LDB3: variants seen among roughly 807,000 people sequenced by gnomAD.
LDB3 encodes LIM domain-binding protein 3.
LDB3 carries 49 observed loss-of-function variants against 69.0 expected under a neutral mutation model. The ratio of observed to expected loss-of-function variants is 0.71; its 90% confidence interval spans 0.56 to 0.90. LDB3 has a LOEUF of 0.90. Among genes scored for constraint, LDB3 ranks in the 40% least tolerant of loss-of-function variants. The pLI is 0.00. For missense variants in LDB3, 928 were observed against 974.1 expected (o/e 0.95, Z 0.63); for synonymous variants, 387 against 396.2 (o/e 0.98, Z 0.28).
intron 13 of LDB3, among the ~76,000 whole-genome samples, chr10:86,728,213 G>C (rs923275117): frequency 3.9e-5 from 6 of 152,166 alleles, no homozygotes; most frequent in African/African-American, 1.4e-4. Context: ...AAGGATCCAA[G>C]AGACTTGGGG....
At chr10:86,694,517 C>A (rs1589648266) in intron 7 of LDB3, among the ~76,000 whole-genome samples, 2 of 152,212 alleles carry the variant, frequency 1.3e-5, no homozygotes, top group East Asian at 3.8e-4. Flanking sequence ...GCACCTCTCT[C>A]TGGGGTCTCA....
At chr10:86,716,972 G>A (rs1846902110) in intron 10 of LDB3, among the ~76,000 whole-genome samples, 1 of 152,194 alleles carries the variant, frequency 6.6e-6, no homozygotes, top group Admixed American at 6.5e-5. Context: ...ACTCTCCCAG[G>A]GAGCTGGGAG....
intron 9 of LDB3, among the ~76,000 whole-genome samples, chr10:86,715,166 G>GT (rs1846818627): frequency 6.6e-6 from 1 of 152,194 alleles, no homozygotes; most frequent in Non-Finnish European, 1.5e-5. Context: ...GGAGTATGGG[G>GT]TGGGGGGCAG....
At chr10:86,686,031 G>A (rs1286028795) in intron 5 of LDB3, among the ~76,000 whole-genome samples, 1 of 152,152 alleles carries the variant, frequency 6.6e-6, no homozygotes, top group Non-Finnish European at 1.5e-5. Flanking sequence ...GCCTGTGTGA[G>A]CCTGAAGACC....
chr10:86,686,549 C>T (rs559537708), intron 5 of LDB3, among the ~76,000 whole-genome samples: 248 of 152,244 alleles, frequency 1.6e-3, no homozygotes, highest in Middle Eastern at 3.4e-3. Context: ...GGAGTGGTGG[C>T]TCATGCCTGT....
chr10:86,699,494 C>T lies in LDB3; in HGVS notation c.896+6923C>T. On this transcript the variant is annotated intron_variant, in intron 7 of 13. Transcript: ENST00000361373. The surrounding 1 kb of genome is among the most constrained non-coding windows in gnomAD (Gnocchi z 4.9). Reference sequence around the variant, plus strand: ...ACAATGTATAACTCTGCTGGGGGCACCTCTGATGGCCAACCGCAGCATTTC... The same window carrying T: ...ACAATGTATAACTCTGCTGGGGGCATCTCTGATGGCCAACCGCAGCATTTC... 10 of 1,551,178 alleles carry T rather than the reference C, an allele frequency of 6.4e-6. No homozygotes were observed. The East Asian group carries it at 1.2e-4, about 18-fold the overall frequency.
chr10:86,731,924 G>A (rs913757374), intron 13 of LDB3, among the ~76,000 whole-genome samples: 1 of 150,496 alleles, frequency 6.6e-6, no homozygotes, highest in Non-Finnish European at 1.5e-5. Context: ...TATTTGTCTT[G>A]CTAGATTAAT....
chr10:86,670,213 T>C (rs1382642474), intron 2 of LDB3, among the ~76,000 whole-genome samples: 2 of 152,118 alleles, frequency 1.3e-5, no homozygotes, highest in Non-Finnish European at 2.9e-5. Context: ...TGTTCTAACC[T>C]GGAGATTCCA....
At chr10:86,714,491 C>T (rs543295204) in intron 9 of LDB3, among the ~76,000 whole-genome samples, 1 of 151,874 alleles carries the variant, frequency 6.6e-6, no homozygotes, top group East Asian at 1.9e-4. Context: ...ATTCAGATGA[C>T]AGATGCTATG....
chr10:86,708,138 C>T (rs1457103775), intron 8 of LDB3, among the ~76,000 whole-genome samples: 2 of 152,258 alleles, frequency 1.3e-5, no homozygotes, highest in Admixed American at 6.5e-5. Context: ...CGGCTGAGCT[C>T]CTGGAACCCT....
At chr10:86,684,464 G>A (rs1335244075) in intron 5 of LDB3, among the ~76,000 whole-genome samples, 1 of 152,258 alleles carries the variant, frequency 6.6e-6, no homozygotes, top group Non-Finnish European at 1.5e-5. Flanking sequence ...GGCAAGAGAT[G>A]ACCCTGCAGC....
intron 2 of LDB3, among the ~76,000 whole-genome samples, chr10:86,670,762 G>A (rs1844428654): frequency 6.6e-6 from 1 of 152,204 alleles, no homozygotes; most frequent in South Asian, 2.1e-4. Flanking sequence ...GCATGATATG[G>A]CCTCTCGGCT....
intron 9 of LDB3, among the ~76,000 whole-genome samples, chr10:86,711,830 GCGGCGGCCAGGCGCTT>G (rs1244126217): frequency 2.7e-5 from 4 of 150,186 alleles, no homozygotes; most frequent in Non-Finnish European, 5.9e-5. Context: ...CGCGGGCCGG[GCGGCGGCCAGGCGCTT>G]GCGGAGAGCC....
Position 86,692,037 on chromosome 10 carries a change from C to T in LDB3, c.831C>T (p.Ile277=), listed in dbSNP as rs752273360. The change falls in exon 6 of 14, where the codon ATC becomes ATT. Residue 277 remains isoleucine (I), a synonymous_variant. Coordinates refer to ENST00000361373, the MANE Select transcript of LDB3 (RefSeq NM_007078.3). ...SSNLQSRSFR[I]LAQMTGTEFM... is the part of the protein sequence containing the mutation. ...ACCTGCAGTCTCGCTCCTTCCGCAT[C>T]CTGGCCCAGATGACGGGGACAGAAT... 7.4e-6 allele frequency: 12 copies of T among 1,614,038 alleles called. No individual in the cohort carries two copies. Among genetic ancestry groups the T allele is most frequent in the Admixed American group, 3.3e-5 (2 of 60,016 alleles).
intron 2 of LDB3, among the ~76,000 whole-genome samples, chr10:86,669,298 G>A (rs1473057637): frequency 2.0e-5 from 3 of 152,054 alleles, no homozygotes; most frequent in Admixed American, 1.3e-4. Flanking sequence ...CTGGGCACCT[G>A]CTCCATCCCA....
intron 2 of LDB3, among the ~76,000 whole-genome samples, chr10:86,671,308 T>G (rs1844457733): frequency 6.6e-6 from 1 of 152,186 alleles, no homozygotes; most frequent in South Asian, 2.1e-4. Context: ...GGGGAGGGTC[T>G]GTCCCCTCTC....
At chr10:86,710,325 C>T (rs1846599982) in intron 9 of LDB3, 1 of 921,642 alleles carries the variant, frequency 1.1e-6, no homozygotes, top group Non-Finnish European at 1.3e-6. Context: ...CATGGTGGCT[C>T]ACACTTGGAA....
At position 86,716,763 on chromosome 10, in the gene LDB3, T is replaced by C. The variant is rs916700413; in HGVS notation, c.1668T>C (p.Asn556=). Residue 556 remains asparagine (N), a synonymous_variant, in exon 10 of 14, where the codon AAT becomes AAC. Transcript: ENST00000361373. ...SRTPLCGHCN[N]VIRGPFLVAM... is the part of the protein sequence containing the mutation. ...CTCCACTCTGCGGTCACTGCAACAA[T>C]GTCATCCGGTATGGTCCAGCTGTGC... 6 of 1,608,240 alleles carry C rather than the reference T, an allele frequency of 3.7e-6. No individual in the cohort carries two copies. The highest frequency in any genetic ancestry group is 2.2e-5 in the East Asian group (1 of 44,630).
At chr10:86,695,929 G>A (rs904295256) in intron 7 of LDB3, among the ~76,000 whole-genome samples, 3 of 152,170 alleles carry the variant, frequency 2.0e-5, no homozygotes, top group South Asian at 4.1e-4. Flanking sequence ...CAGCCTCTGC[G>A]TTTCCCTGAT....
Sources: allele counts gnomAD v4.1 joint callset (sites outside exome capture counted in the v4.1 genomes callset), GRCh38; gene constraint gnomAD v4.1.1; non-coding constraint Gnocchi (gnomAD v3.1); transcripts MANE v1.5; gene names NCBI Gene and HGNC (gene_info 2026-07-23, HGNC 2026-07-21).